DAB1: variants seen among roughly 807,000 people sequenced by gnomAD.
DAB1 encodes the protein disabled homolog 1.
DAB1 carries 15 observed loss-of-function variants against 64.6 expected under a neutral mutation model. That is an observed-to-expected ratio of 0.23 (90% CI 0.16 to 0.36). The LOEUF is 0.36. Ranked by LOEUF, DAB1 falls within the 10% of genes least tolerant of loss-of-function variation. DAB1 has a pLI of 1.00. For missense variants in DAB1, 596 were observed against 706.7 expected (o/e 0.84, Z 1.78); for synonymous variants, 235 against 251.9 (o/e 0.93, Z 0.64).
rs139678833 is a variant in DAB1, at chr1:58,448,242, T to G, written n.257+57818A>C. 2.1e-3 allele frequency among the ~76,000 whole-genome samples: 319 copies of G among 152,296 alleles called. 6 individuals are homozygous for G. The highest frequency in any genetic ancestry group is 3.1e-4 in the Non-Finnish European group (21 of 68,026). On this transcript the variant is annotated intron_variant and non_coding_transcript_variant, in intron 3 of 20. Coordinates refer to the DAB1 transcript ENST00000485760. ...AATAAAGGAATTACTTTGATTGGCT[T>G]AGATCAAGATTAACCCACTGGGGGC...
chr1:58,517,419 C>T (rs1180182379), intron 2 of DAB1, among the ~76,000 whole-genome samples: 2 of 152,174 alleles, frequency 1.3e-5, no homozygotes, highest in Non-Finnish European at 2.9e-5. Flanking sequence ...AACACTACAC[C>T]TATCAACATC....
intron 6 of DAB1, among the ~76,000 whole-genome samples, chr1:57,762,434 G>T (rs1174932956): frequency 6.6e-6 from 1 of 152,122 alleles, no homozygotes; most frequent in East Asian, 1.9e-4. Flanking sequence ...GCGGAAAAAT[G>T]TCAAAATGAA....
chr1:57,757,126 G>T (rs1421823991), intron 6 of DAB1, among the ~76,000 whole-genome samples: 1 of 151,406 alleles, frequency 6.6e-6, no homozygotes, highest in African/African-American at 2.4e-5. Flanking sequence ...TGATTCTATA[G>T]GTTTGGAGCC....
chr1:57,163,126 G>A (rs1236131504), intron 2 of DAB1, among the ~76,000 whole-genome samples: 1 of 152,246 alleles, frequency 6.6e-6, no homozygotes, highest in African/African-American at 2.4e-5. Flanking sequence ...TCATGAACCA[G>A]AGGGAGGAAG....
intron 6 of DAB1, among the ~76,000 whole-genome samples, chr1:57,698,468 T>C (rs1646871991): frequency 6.6e-6 from 1 of 152,192 alleles, no homozygotes; most frequent in Admixed American, 6.5e-5. Context: ...TTGTGGATTT[T>C]TTTTAGGGAG....
At chr1:58,172,394 A>G (rs959939511) in intron 4 of DAB1, among the ~76,000 whole-genome samples, 1 of 152,204 alleles carries the variant, frequency 6.6e-6, no homozygotes, top group African/African-American at 2.4e-5. Context: ...TCAAAATAAT[A>G]CAAGGAAAGG....
Position 58,056,055 on chromosome 1 carries a change from T to A in DAB1, n.387+94456A>T, listed in dbSNP as rs561398705. 5.6e-3 allele frequency: 4,919 copies of A among 885,304 alleles called. 160 individuals are homozygous for A. In the South Asian group the frequency reaches 0.066, roughly 12 times the overall value. 54.8% of individuals were successfully genotyped at this position (885,304 alleles called of 1,614,324 possible). A position where few individuals can be genotyped will look rare whatever the true frequency, so the allele number is the denominator to read the frequency against. Reference sequence around the variant, plus strand: ...GCCTGGCCTCATGTGCATTCTTTTTTTTTTTTTTTTAAGTACAATTTCCAT... The same window carrying A: ...GCCTGGCCTCATGTGCATTCTTTTTATTTTTTTTTTAAGTACAATTTCCAT... On this transcript the variant is annotated intron_variant and non_coding_transcript_variant, in intron 5 of 20. Transcript: ENST00000485760.
chr1:57,120,667 G>A (rs1415021586), intron 4 of DAB1, among the ~76,000 whole-genome samples: 2 of 152,068 alleles, frequency 1.3e-5, no homozygotes, highest in African/African-American at 4.8e-5. Context: ...CTGTCTCTAT[G>A]AGTTTGACTA....
At chr1:57,000,320 A>C (rs1361422309) in intron 14 of DAB1, among the ~76,000 whole-genome samples, 1 of 152,118 alleles carries the variant, frequency 6.6e-6, no homozygotes, top group Non-Finnish European at 1.5e-5. Context: ...CTGAGATTAC[A>C]GGTGTGAGCC....
At chr1:58,127,029 G>T (rs995244616) in intron 5 of DAB1, among the ~76,000 whole-genome samples, 6 of 150,436 alleles carry the variant, frequency 4.0e-5, no homozygotes, top group African/African-American at 1.5e-4. Flanking sequence ...CTGAGGAATC[G>T]CCACACTGAC....
At chr1:57,627,473 C>A (rs902794571) in intron 7 of DAB1, among the ~76,000 whole-genome samples, 1 of 152,164 alleles carries the variant, frequency 6.6e-6, no homozygotes, top group African/African-American at 2.4e-5. Flanking sequence ...TTGTACTAGA[C>A]ATGTGCTAAG....
At chr1:58,296,831 C>A (rs977053204) in intron 4 of DAB1, among the ~76,000 whole-genome samples, 2 of 152,148 alleles carry the variant, frequency 1.3e-5, no homozygotes, top group Admixed American at 6.5e-5. Flanking sequence ...GCTATGTTTA[C>A]CTTGGGCAAA....
At chr1:58,262,003 G>A (rs888002732) in intron 4 of DAB1, among the ~76,000 whole-genome samples, 2 of 152,218 alleles carry the variant, frequency 1.3e-5, no homozygotes, top group African/African-American at 2.4e-5. Flanking sequence ...TCTGAAAGAC[G>A]ATTGAGTCTA....
intron 5 of DAB1, among the ~76,000 whole-genome samples, chr1:58,082,971 G>A (rs1258242010): frequency 6.6e-6 from 1 of 152,152 alleles, no homozygotes; most frequent in Non-Finnish European, 1.5e-5. Flanking sequence ...AAGTGGCTTG[G>A]AGGAGAAAAT....
intron 1 of DAB1, among the ~76,000 whole-genome samples, chr1:57,362,045 G>A (rs1455454601): frequency 6.6e-6 from 1 of 152,116 alleles, no homozygotes; most frequent in Non-Finnish European, 1.5e-5. Flanking sequence ...AGAGGTAAAA[G>A]TCTCAGAGTT....
chr1:58,476,016 T>C (rs975047405), intron 3 of DAB1, among the ~76,000 whole-genome samples: 1 of 152,172 alleles, frequency 6.6e-6, no homozygotes, highest in African/African-American at 2.4e-5. Flanking sequence ...AATATATTGG[T>C]CAAAATTAAC....
At chr1:57,612,661 A>ATTTC (rs1455013153) in intron 7 of DAB1, among the ~76,000 whole-genome samples, 1 of 152,138 alleles carries the variant, frequency 6.6e-6, no homozygotes, top group Non-Finnish European at 1.5e-5. Context: ...CAAGATCTTA[A>ATTTC]TTTCAGCCCA....
At chr1:57,264,308 G>A (rs1670416381) in intron 2 of DAB1, among the ~76,000 whole-genome samples, 1 of 152,098 alleles carries the variant, frequency 6.6e-6, no homozygotes, top group Non-Finnish European at 1.5e-5. Flanking sequence ...TTCCTGCCTT[G>A]TTAGAACTTA....
At chr1:57,746,610 G>C (rs915374338) in intron 6 of DAB1, among the ~76,000 whole-genome samples, 5 of 152,064 alleles carry the variant, frequency 3.3e-5, no homozygotes, top group Non-Finnish European at 7.4e-5. Flanking sequence ...ATCTGCAAAT[G>C]CTCAAATCCT....
Sources: allele counts gnomAD v4.1 joint callset (sites outside exome capture counted in the v4.1 genomes callset), GRCh38; gene constraint gnomAD v4.1.1; transcripts MANE v1.5; gene names NCBI Gene and HGNC (gene_info 2026-07-23, HGNC 2026-07-21).